Variants in PKP2 observed in about 807,000 individuals in gnomAD.
The protein encoded by PKP2 is plakophilin-2.
A neutral mutation model predicts 83.4 loss-of-function variants in PKP2; 73 were observed. That is an observed-to-expected ratio of 0.88 (90% CI 0.72 to 1.06). The LOEUF (loss-of-function observed/expected upper bound fraction) is 1.06, where lower values mean the gene tolerates loss of function less well. Ranked by LOEUF, PKP2 falls within the 50% of genes least tolerant of loss-of-function variation. The pLI is 0.00. For synonymous variants in PKP2, 409 were observed against 430.4 expected (o/e 0.95, Z 0.62); for missense variants, 966 against 1,065.4 (o/e 0.91, Z 1.30).
intron 10 of PKP2, among the ~76,000 whole-genome samples, chr12:32,797,445 CAAAAAAA>C (rs548021913): frequency 1.5e-5 from 1 of 67,146 alleles, no homozygotes; most frequent in African/African-American, 4.9e-5. Context: ...GACCCTGTCT[CAAAAAAA>C]AAAAAAAAAA....
chr12:32,896,308 G>A (rs879504221), intron 1 of PKP2, among the ~76,000 whole-genome samples: 1 of 152,192 alleles, frequency 6.6e-6, no homozygotes, highest in South Asian at 2.1e-4. Context: ...ATATACATAG[G>A]TACCTATATG....
intron 5 of PKP2, among the ~76,000 whole-genome samples, chr12:32,844,426 A>C (rs1460476374): frequency 6.6e-6 from 1 of 152,208 alleles, no homozygotes; most frequent in Non-Finnish European, 1.5e-5. Context: ...AAAATTGGGA[A>C]GGTACATAAC....
Position 32,821,365 on chromosome 12 carries a change from T to C in PKP2, c.2004A>G (p.Gly668=). ...SLGALQNLTA[G]SGPMPTSVAQ... ...CAGGCCCAATACTCACTGGTCCACT[T>C]CCGGCCGTGAGGTTCTGCAGAGCTC... The change falls in exon 9 of 13, where the codon GGA becomes GGG. Residue 668 remains glycine (G), a synonymous_variant. Coordinates refer to ENST00000340811, the MANE Select transcript of PKP2 (RefSeq NM_001005242.3). The C allele has an allele frequency of 1.2e-6, 2 of 1,614,116 alleles. No individual in the cohort carries two copies. The highest frequency in any genetic ancestry group is 1.7e-6 in the Non-Finnish European group (2 of 1,179,978).
chr12:32,890,595 C>A (rs1004783735), intron 1 of PKP2, among the ~76,000 whole-genome samples: 1 of 152,058 alleles, frequency 6.6e-6, no homozygotes, highest in Non-Finnish European at 1.5e-5. Context: ...AAGCTTTTGT[C>A]TTTAAACACT....
At chr12:32,846,259 GA>G (rs1325651549) in intron 5 of PKP2, among the ~76,000 whole-genome samples, 1 of 152,090 alleles carries the variant, frequency 6.6e-6, no homozygotes, top group East Asian at 1.9e-4. Flanking sequence ...CTGAGACTAA[GA>G]TGTGCCGTTC....
intron 1 of PKP2, among the ~76,000 whole-genome samples, chr12:32,889,970 G>A (rs937718535): frequency 6.6e-6 from 1 of 150,542 alleles, no homozygotes; most frequent in African/African-American, 2.4e-5. Context: ...ACTTACTTGA[G>A]AGGCTGAGGC....
chr12:32,867,379 G>C (rs1956859157), intron 4 of PKP2, among the ~76,000 whole-genome samples: 2 of 152,196 alleles, frequency 1.3e-5, no homozygotes, highest in African/African-American at 4.8e-5. Flanking sequence ...CTGTTCGTAG[G>C]TTGAGGGCTG....
chr12:32,883,944 C>T (rs577030372), intron 1 of PKP2, among the ~76,000 whole-genome samples: 22 of 152,252 alleles, frequency 1.4e-4, no homozygotes, highest in African/African-American at 5.3e-4. Context: ...TTCCTCTCAC[C>T]CCTTCTCCCT....
chr12:32,856,126 G>C (rs920510726), intron 4 of PKP2, among the ~76,000 whole-genome samples: 31 of 152,090 alleles, frequency 2.0e-4, no homozygotes, highest in Non-Finnish European at 2.9e-5. Flanking sequence ...TCAAAAACTT[G>C]AATTTGTTTT....
chr12:32,796,373 G>A (rs1273571293), intron 10 of PKP2, 75 bp from the exon 11 acceptor site: 9 of 1,291,416 alleles, frequency 7.0e-6, no homozygotes, highest in Non-Finnish European at 9.9e-6. Context: ...AATATATTTT[G>A]GGTGAAGAAC....
chr12:32,853,529 C>A (rs1238329590), intron 4 of PKP2, among the ~76,000 whole-genome samples: 3 of 130,070 alleles, frequency 2.3e-5, no homozygotes, highest in South Asian at 4.7e-4. Flanking sequence ...TTTTTTGAGA[C>A]GGAGTCTCGC....
At chr12:32,812,459 T>C (rs1411292329) in intron 9 of PKP2, among the ~76,000 whole-genome samples, 1 of 152,154 alleles carries the variant, frequency 6.6e-6, no homozygotes, top group Non-Finnish European at 1.5e-5. Context: ...CTGTTTCTTC[T>C]TGTTCAAGTT....
intron 9 of PKP2, among the ~76,000 whole-genome samples, chr12:32,811,592 T>C (rs1956277712): frequency 6.6e-6 from 1 of 152,244 alleles, no homozygotes; most frequent in African/African-American, 2.4e-5. Context: ...ATGGTCAGCA[T>C]ACCACTATGT....
chr12:32,869,573 T>C (rs978706000), intron 3 of PKP2, among the ~76,000 whole-genome samples: 6 of 140,492 alleles, frequency 4.3e-5, no homozygotes, highest in African/African-American at 1.1e-4. Context: ...CACTCCAGTC[T>C]AGGAGGAAAA....
chr12:32,824,084 A>G lies in PKP2; in HGVS notation c.1635T>C (p.Tyr545=). The change falls in exon 7 of 13, where the codon TAT becomes TAC. Residue 545 remains tyrosine (Y), a synonymous_variant. Transcript: ENST00000340811. ...CDGLIDSLVH[Y]VRGTIADYQP... ...GGTAATCTGCAATGGTTCCTCTGAC[A>G]TAATGGACCAGTGAGTCAATGAGTC... The G allele has an allele frequency of 1.2e-6, 2 of 1,611,014 alleles. No homozygotes were observed. Among genetic ancestry groups the G allele is most frequent in the Non-Finnish European group, 1.7e-6 (2 of 1,177,340 alleles).
chr12:32,891,516 G>C (rs1460689813), intron 1 of PKP2, among the ~76,000 whole-genome samples: 1 of 152,084 alleles, frequency 6.6e-6, no homozygotes, highest in African/African-American at 2.4e-5. Context: ...TTTAATAAAT[G>C]AGAAAAAACT....
At chr12:32,798,567 C>G (rs1009252045) in intron 10 of PKP2, among the ~76,000 whole-genome samples, 2 of 150,994 alleles carry the variant, frequency 1.3e-5, no homozygotes, top group Non-Finnish European at 2.9e-5. Context: ...GATACATAGA[C>G]CAATGGAATA....
At chr12:32,845,731 A>T (rs1217429902) in intron 5 of PKP2, among the ~76,000 whole-genome samples, 1 of 152,180 alleles carries the variant, frequency 6.6e-6, no homozygotes, top group Non-Finnish European at 1.5e-5. Flanking sequence ...GACCGCTCGG[A>T]CAAGGACAAG....
intron 4 of PKP2, among the ~76,000 whole-genome samples, chr12:32,862,956 G>C (rs562181957): frequency 2.0e-4 from 30 of 152,196 alleles, no homozygotes; most frequent in Admixed American, 1.4e-3. Flanking sequence ...CTAAGATCGC[G>C]CCACTGCATT....
Sources: gnomAD v4.1 joint callset for allele counts (sites outside exome capture counted in the v4.1 genomes callset) on GRCh38, gnomAD v4.1.1 for gene constraint, MANE v1.5 for transcripts, NCBI Gene and HGNC (gene_info 2026-07-23, HGNC 2026-07-21) for gene names.